The following RYR2 variants were observed in gnomAD, a reference collection of about 807,000 sequenced individuals.
The protein encoded by RYR2 is cardiac muscle ryanodine receptor-calcium release channel.
In RYR2, 227 loss-of-function variants were observed where a neutral mutation model predicts 601.1. The ratio of observed to expected loss-of-function variants is 0.38; its 90% CI spans 0.34 to 0.42. RYR2 has a LOEUF of 0.42. RYR2 is among the 10% of genes least tolerant of loss of function. The pLI is 1.00. For missense variants in RYR2, 4,646 were observed against 6,156.5 expected (o/e 0.75, Z 8.21); for synonymous variants, 2,223 against 2,175.1 (o/e 1.02, Z -0.61).
chr1:237,156,789 C>A (rs1280074785), intron 1 of RYR2, among the ~76,000 whole-genome samples: 1 of 152,146 alleles, frequency 6.6e-6, no homozygotes, highest in African/African-American at 2.4e-5. Flanking sequence ...GCTGTGTAAC[C>A]TTCAGTGAGC....
intron 1 of RYR2, among the ~76,000 whole-genome samples, chr1:237,047,928 TC>T (rs1195762353): frequency 6.6e-6 from 1 of 152,172 alleles, no homozygotes; most frequent in Admixed American, 6.5e-5. Context: ...AATGACTTCA[TC>T]CAGCTCTGAG....
At chr1:237,771,454 AATAGTT>A (rs1393748209) in intron 85 of RYR2, among the ~76,000 whole-genome samples, 1 of 151,818 alleles carries the variant, frequency 6.6e-6, no homozygotes, top group Non-Finnish European at 1.5e-5. Context: ...AAAACATATA[AATAGTT>A]ATAGAGTAAT....
At chr1:237,512,052 G>T (rs1385713234) in intron 24 of RYR2, among the ~76,000 whole-genome samples, 1 of 152,134 alleles carries the variant, frequency 6.6e-6, no homozygotes, top group East Asian at 1.9e-4. Context: ...TATTATGGAT[G>T]ATGAGGATTT....
chr1:237,632,762 A>C (rs1194859959), intron 42 of RYR2, among the ~76,000 whole-genome samples: 1 of 55,494 alleles, frequency 1.8e-5, no homozygotes, highest in Non-Finnish European at 3.4e-5. Flanking sequence ...ATAGTATAAT[A>C]AAAAAAAACT....
At position 237,180,957 on chromosome 1, in the gene RYR2, A is replaced by G. The variant is rs1361536798; in HGVS notation, c.49-89540A>G. Among the ~76,000 whole-genome samples, 2 of 151,474 alleles carry G rather than the reference A, an allele frequency of 1.3e-5. No homozygotes were observed. Among genetic ancestry groups the G allele is most frequent in the Non-Finnish European group, 1.5e-5 (1 of 67,910 alleles). On this transcript the variant is annotated intron_variant, in intron 1 of 104. Transcript: ENST00000366574. This position sits in a 1 kb window ranked among gnomAD's most constrained non-coding sequence, Gnocchi z 5.3. ...TTGCTAACCCTCTCTGAGCAGATTTATCCAATATGCTAAGCACTTTTATTA... is the reference window on the plus strand; with the variant it reads ...TTGCTAACCCTCTCTGAGCAGATTTGTCCAATATGCTAAGCACTTTTATTA...
At chr1:237,633,744 T>G (rs566565895) in intron 43 of RYR2, 34 bp downstream of exon 43, 1 of 1,575,150 alleles carries the variant, frequency 6.3e-7, no homozygotes, top group East Asian at 2.3e-5. Context: ...TCTTTAAGGT[T>G]GAAATAATAT....
At chr1:237,668,770 A>G (rs1336504019) in intron 58 of RYR2, among the ~76,000 whole-genome samples, 1 of 152,234 alleles carries the variant, frequency 6.6e-6, no homozygotes, top group Admixed American at 6.5e-5. Flanking sequence ...GTGAAAGGTA[A>G]AGCTGTGATA....
rs139726000 is a variant in RYR2, at chr1:237,503,693, A to G, written c.2613+188A>G. On this transcript the variant is annotated intron_variant, in intron 22 of 104. Transcript: ENST00000366574. Reference sequence around the variant, plus strand: ...TACCATGTCCACTCACTCATTTTCTATTCTATTCTATGTTTTTGTTGTCGT... The same window carrying G: ...TACCATGTCCACTCACTCATTTTCTGTTCTATTCTATGTTTTTGTTGTCGT... Among the ~76,000 whole-genome samples the G allele has an allele frequency of 0.019, 2,892 of 152,120 alleles. 41 individuals are homozygous for G. The highest frequency in any genetic ancestry group is 0.028 in the Non-Finnish European group (1,876 of 67,990).
At chr1:237,542,308 G>T (rs1669377946) in intron 25 of RYR2, among the ~76,000 whole-genome samples, 1 of 151,944 alleles carries the variant, frequency 6.6e-6, no homozygotes, top group Admixed American at 6.6e-5. Flanking sequence ...GGTCAGGCTG[G>T]TCTCAAACTC....
chr1:237,330,324 TC>T (rs1696582607), intron 2 of RYR2, among the ~76,000 whole-genome samples: 1 of 152,246 alleles, frequency 6.6e-6, no homozygotes, highest in East Asian at 1.9e-4. Context: ...AAGCTGTGTC[TC>T]CTTACATTTT....
At chr1:237,059,788 G>T (rs763919284) in intron 1 of RYR2, among the ~76,000 whole-genome samples, 3 of 152,070 alleles carry the variant, frequency 2.0e-5, no homozygotes, top group African/African-American at 4.8e-5. Flanking sequence ...GATTGACCAC[G>T]GTTGATAATT....
At chr1:237,795,843 T>TATATATATATACATATAC (rs1460770211) in intron 96 of RYR2, among the ~76,000 whole-genome samples, 1 of 114,008 alleles carries the variant, frequency 8.8e-6, no homozygotes, top group Non-Finnish European at 1.7e-5. Flanking sequence ...TGTGTATATA[T>TATATATATATACATATAC]ATATATGTAT....
At chr1:237,544,092 A>G (rs187355687) in intron 25 of RYR2, among the ~76,000 whole-genome samples, 45 of 152,276 alleles carry the variant, frequency 3.0e-4, no homozygotes, top group Non-Finnish European at 6.0e-4. Flanking sequence ...TTGTTGTTTT[A>G]TTCTTTTTTA....
At chr1:237,658,232 A>C (rs1683437288) in intron 54 of RYR2, among the ~76,000 whole-genome samples, 2 of 152,178 alleles carry the variant, frequency 1.3e-5, no homozygotes, top group Admixed American at 6.5e-5. Context: ...AATAAGCACT[A>C]TTTTAAGCTT....
At chr1:237,221,927 A>AT (rs531877939) in intron 1 of RYR2, among the ~76,000 whole-genome samples, 15 of 150,858 alleles carry the variant, frequency 9.9e-5, no homozygotes, top group Non-Finnish European at 1.8e-4. Context: ...ACTATGTCCT[A>AT]TTTTTTTTTA....
At chr1:237,289,605 C>T (rs1691989957) in intron 2 of RYR2, among the ~76,000 whole-genome samples, 1 of 152,068 alleles carries the variant, frequency 6.6e-6, no homozygotes, top group South Asian at 2.1e-4. Context: ...ATGGGGGTAA[C>T]CATCACCATG....
Position 237,496,841 on chromosome 1 carries a change from C to T in RYR2, c.2203+89C>T, listed in dbSNP as rs1664126015. On this transcript the variant is annotated intron_variant, in intron 20 of 104. Transcript: ENST00000366574. ...CTATTGGTGCTGCTTCCATTAGGTA[C>T]TTCTATAGGGTATTAATTATTCAGA... is the stretch of plus-strand genomic sequence containing the variant. 6 of 1,425,002 alleles carry T rather than the reference C, an allele frequency of 4.2e-6. No homozygotes were observed. The South Asian group carries it at 6.8e-5, about 16-fold the overall frequency. The allele number at this position is 1,425,002 out of a possible 1,614,324, so 88.3% of individuals were successfully genotyped here. A position where few individuals can be genotyped will look rare whatever the true frequency, so the allele number is the denominator to read the frequency against.
rs146638305 is a variant in RYR2 at position 237,504,993 on chromosome 1, A to G, written c.2613+1488A>G. Among the ~76,000 whole-genome samples the G allele has an allele frequency of 3.8e-4, 58 of 152,310 alleles. 2 individuals are homozygous for G. The highest frequency in any genetic ancestry group is 1.3e-3 in the African/African-American group (56 of 41,578). ...GAGAAAGATGAGGATGCCGTATAGG[A>G]AACATGGAGTTTTCAATTTCTTCTC... On this transcript the variant is annotated intron_variant, in intron 22 of 104. Coordinates refer to ENST00000366574, the MANE Select transcript of RYR2 (RefSeq NM_001035.3).
intron 1 of RYR2, among the ~76,000 whole-genome samples, chr1:237,177,356 T>C (rs533690044): frequency 6.7e-4 from 102 of 152,332 alleles, no homozygotes; most frequent in African/African-American, 2.3e-3. Context: ...AAGAGCACAC[T>C]TCCCAATTTA....
Sources: allele counts gnomAD v4.1 joint callset (sites outside exome capture counted in the v4.1 genomes callset), GRCh38; gene constraint gnomAD v4.1.1; non-coding constraint Gnocchi (gnomAD v3.1); transcripts MANE v1.5; gene names NCBI Gene and HGNC (gene_info 2026-07-23, HGNC 2026-07-21).